Variants in ADGRL2 observed in about 807,000 individuals in gnomAD.
ADGRL2 encodes the protein calcium-independent alpha-latrotoxin receptor 2.
In ADGRL2, 44 loss-of-function variants were observed where a neutral mutation model predicts 157.4. The ratio of observed to expected loss-of-function variants is 0.28; its 90% confidence interval spans 0.22 to 0.36. The LOEUF is 0.36. Ranked by LOEUF, ADGRL2 falls within the 10% of genes least tolerant of loss-of-function variation. The pLI, the probability that ADGRL2 is intolerant of heterozygous loss-of-function variation, is 1.00. For synonymous variants in ADGRL2, 585 were observed against 624.7 expected, an observed-to-expected ratio of 0.94 and a Z score of 0.95; for missense variants, 1,510 against 1,768.9, an observed-to-expected ratio of 0.85 and a Z score of 2.63.
At chr1:81,464,064 G>A (rs79377360) in intron 2 of ADGRL2, among the ~76,000 whole-genome samples, 6,425 of 152,004 alleles carry the variant, frequency 0.042, 157 homozygotes, top group Middle Eastern at 0.088. Flanking sequence ...ACATCATCAT[G>A]TTAGTAGTAT....
intron 2 of ADGRL2, among the ~76,000 whole-genome samples, chr1:81,893,460 T>C (rs1186067919): frequency 1.3e-5 from 2 of 152,226 alleles, no homozygotes; most frequent in African/African-American, 4.8e-5. Flanking sequence ...ATTAGAGTAG[T>C]GCACCAGGGC....
intron 2 of ADGRL2, among the ~76,000 whole-genome samples, chr1:81,898,474 C>G (rs529543229): frequency 6.6e-6 from 1 of 152,020 alleles, no homozygotes; most frequent in Non-Finnish European, 1.5e-5. Flanking sequence ...AAAGGAATTA[C>G]GTATAAGTAA....
Position 81,704,992 on chromosome 1 carries a change from G to A in ADGRL2, c.-143+5184G>A, listed in dbSNP as rs144230701. Among the ~76,000 whole-genome samples, 465 of 152,312 alleles carry A rather than the reference G, an allele frequency of 3.1e-3. 2 individuals carry two copies. Among genetic ancestry groups the A allele is most frequent in the African/African-American group, 0.011 (442 of 41,568 alleles). On this transcript the variant is annotated intron_variant, in intron 1 of 20. Transcript: ENST00000359929. The stretch of plus-strand genomic sequence containing the variant: ...AAGCAAATGTCTGAAGCAAATGCAT[G>A]TAGATATGGGAATGCACATAAACAT...
chr1:81,314,256 T>G (rs1320596708), intron 1 of ADGRL2, among the ~76,000 whole-genome samples: 2 of 152,210 alleles, frequency 1.3e-5, no homozygotes, highest in East Asian at 3.8e-4. Flanking sequence ...TGTCATAAAG[T>G]GCAGACTGTG....
intron 3 of ADGRL2, among the ~76,000 whole-genome samples, chr1:81,929,017 A>C (rs1000334480): frequency 1.2e-4 from 19 of 152,204 alleles, no homozygotes; most frequent in African/African-American, 4.3e-4. Flanking sequence ...AGACTCAATA[A>C]AGGATTGAAC....
chr1:81,595,174 A>G (rs1359211417), intron 3 of ADGRL2, among the ~76,000 whole-genome samples: 1 of 152,140 alleles, frequency 6.6e-6, no homozygotes, highest in Non-Finnish European at 1.5e-5. Flanking sequence ...GGGGCAGGGG[A>G]TGGGAAGTAA....
chr1:81,691,073 T>C (rs560729479), intron 3 of ADGRL2, among the ~76,000 whole-genome samples: 1 of 152,320 alleles, frequency 6.6e-6, no homozygotes, highest in South Asian at 2.1e-4. Flanking sequence ...CCACAGAGGA[T>C]CTGAATACAT....
At chr1:81,555,054 G>A (rs1055919250) in intron 2 of ADGRL2, among the ~76,000 whole-genome samples, 1 of 151,924 alleles carries the variant, frequency 6.6e-6, no homozygotes, top group Non-Finnish European at 1.5e-5. Flanking sequence ...ACACATGAGT[G>A]GATGTCAGTA....
intron 3 of ADGRL2, among the ~76,000 whole-genome samples, chr1:81,615,058 C>T (rs1448198844): frequency 1.3e-5 from 2 of 151,958 alleles, no homozygotes; most frequent in African/African-American, 2.4e-5. Flanking sequence ...TATCAGTAAA[C>T]CAAAAAGCAG....
At chr1:81,619,649 T>G (rs993415206) in intron 3 of ADGRL2, among the ~76,000 whole-genome samples, 4 of 152,184 alleles carry the variant, frequency 2.6e-5, no homozygotes, top group African/African-American at 9.7e-5. Flanking sequence ...TGAAATAACA[T>G]ACAGTGATAT....
At chr1:81,359,193 GAAC>G (rs2075928592) in intron 1 of ADGRL2, among the ~76,000 whole-genome samples, 1 of 152,066 alleles carries the variant, frequency 6.6e-6, no homozygotes, top group South Asian at 2.1e-4. Context: ...CCTTGAGTAA[GAAC>G]AATAAATGAG....
At chr1:81,627,505 C>T (rs1009111951) in intron 3 of ADGRL2, among the ~76,000 whole-genome samples, 26 of 152,154 alleles carry the variant, frequency 1.7e-4, no homozygotes, top group African/African-American at 6.0e-4. Context: ...GTGCCAAGTA[C>T]TCCATTAAGC....
At chr1:81,848,398 A>T (rs968334703) in intron 2 of ADGRL2, among the ~76,000 whole-genome samples, 1 of 151,826 alleles carries the variant, frequency 6.6e-6, no homozygotes, top group Admixed American at 6.6e-5. Flanking sequence ...TTACAGATGA[A>T]GAAACTAAGG....
At chr1:81,615,765 A>T (rs1220730356) in intron 3 of ADGRL2, among the ~76,000 whole-genome samples, 1 of 152,236 alleles carries the variant, frequency 6.6e-6, no homozygotes, top group Non-Finnish European at 1.5e-5. Context: ...TCAAAAAATC[A>T]ATAATGAAAA....
intron 3 of ADGRL2, among the ~76,000 whole-genome samples, chr1:81,673,659 C>T (rs1296930256): frequency 2.6e-5 from 4 of 151,998 alleles, no homozygotes; most frequent in South Asian, 2.1e-4. Flanking sequence ...GGACTACAGG[C>T]GCCCACCACC....
At chr1:81,505,800 T>G (rs1032858827) in intron 2 of ADGRL2, among the ~76,000 whole-genome samples, 5 of 150,734 alleles carry the variant, frequency 3.3e-5, no homozygotes, top group Non-Finnish European at 4.4e-5. Flanking sequence ...AAAATCTGAG[T>G]TTTTATTAAA....
intron 2 of ADGRL2, among the ~76,000 whole-genome samples, chr1:81,774,888 T>C (rs2086515674): frequency 6.6e-6 from 1 of 152,166 alleles, no homozygotes; most frequent in Non-Finnish European, 1.5e-5. Flanking sequence ...CTTTTATATG[T>C]ATAATAGTAA....
At chr1:81,384,646 T>C (rs1460345710) in intron 1 of ADGRL2, among the ~76,000 whole-genome samples, 1 of 152,202 alleles carries the variant, frequency 6.6e-6, no homozygotes, top group African/African-American at 2.4e-5. Flanking sequence ...ACGATAATTT[T>C]ATACATCATG....
At chr1:81,519,196 A>G (rs2079252878) in intron 2 of ADGRL2, among the ~76,000 whole-genome samples, 1 of 152,208 alleles carries the variant, frequency 6.6e-6, no homozygotes, top group African/African-American at 2.4e-5. Flanking sequence ...CATATTTGGA[A>G]GCAAAAGTTT....
Sources: allele counts gnomAD v4.1 joint callset (sites outside exome capture counted in the v4.1 genomes callset), GRCh38; gene constraint gnomAD v4.1.1; transcripts MANE v1.5; gene names NCBI Gene and HGNC (gene_info 2026-07-23, HGNC 2026-07-21).